The following RABGAP1L variants were observed in gnomAD, a reference collection of about 807,000 sequenced individuals.
RABGAP1L encodes the protein RAB GTPase activating protein 1 like.
In RABGAP1L, 63 loss-of-function variants were observed where a neutral mutation model predicts 137.7. That is an observed-to-expected ratio of 0.46 (90% confidence interval 0.37 to 0.56). The LOEUF is 0.56. RABGAP1L is among the 20% of genes least tolerant of loss of function. RABGAP1L has a pLI of 0.00. For missense variants in RABGAP1L, 1,095 were observed against 1,244.0 expected (o/e 0.88, Z 1.80); for synonymous variants, 431 against 433.7 (o/e 0.99, Z 0.08).
At chr1:174,466,054 C>T (rs1244410254) in intron 13 of RABGAP1L, among the ~76,000 whole-genome samples, 1 of 152,164 alleles carries the variant, frequency 6.6e-6, no homozygotes, top group Non-Finnish European at 1.5e-5. Context: ...AATGTGCTTC[C>T]CTTAGTGCAG....
At chr1:174,163,810 G>A (rs557235189) in intron 1 of RABGAP1L, among the ~76,000 whole-genome samples, 101 of 151,756 alleles carry the variant, frequency 6.7e-4, no homozygotes, top group Admixed American at 1.7e-3. Flanking sequence ...AGAATATGAA[G>A]CCTAACAACT....
chr1:174,706,075 A>G (rs1572868486), intron 17 of RABGAP1L, among the ~76,000 whole-genome samples: 1 of 152,176 alleles, frequency 6.6e-6, no homozygotes, highest in Non-Finnish European at 1.5e-5. Context: ...TGAAAAAGAA[A>G]GACACTGAGT....
At chr1:174,483,658 C>G (rs1025255728) in intron 13 of RABGAP1L, among the ~76,000 whole-genome samples, 2 of 152,036 alleles carry the variant, frequency 1.3e-5, no homozygotes, top group South Asian at 4.1e-4. Context: ...GAAACCTCGT[C>G]TCTACTAAAA....
At chr1:174,573,283 T>TTA (rs1245280150) in intron 13 of RABGAP1L, among the ~76,000 whole-genome samples, 1 of 151,738 alleles carries the variant, frequency 6.6e-6, no homozygotes, top group Non-Finnish European at 1.5e-5. Context: ...CTATATATGT[T>TTA]TATATGTATG....
At chr1:174,174,160 A>C (rs1665635328) in intron 1 of RABGAP1L, among the ~76,000 whole-genome samples, 1 of 151,682 alleles carries the variant, frequency 6.6e-6, no homozygotes, top group Admixed American at 6.6e-5. Context: ...CAGATTTCTG[A>C]CAACATGATA....
At position 174,448,352 on chromosome 1, in the gene RABGAP1L, C is replaced by A; in HGVS notation, c.1710+54207C>A. 6.2e-7 allele frequency: 1 copy of A among 1,613,968 alleles called. No homozygotes were observed. Among genetic ancestry groups the A allele is most frequent in the Non-Finnish European group, 8.5e-7 (1 of 1,179,828 alleles). ...TCATTATACTACCAGCTATTTCATT[C>A]AGACGATGGCATATGCTGATCTTTT... is the stretch of plus-strand genomic sequence containing the variant. On this transcript the variant is annotated intron_variant, in intron 13 of 25. Transcript: ENST00000681986. The surrounding 1 kb of genome is among the most constrained non-coding windows in gnomAD (Gnocchi z 4.2).
intron 13 of RABGAP1L, among the ~76,000 whole-genome samples, chr1:174,546,683 A>G (rs1388228609): frequency 6.6e-6 from 1 of 152,192 alleles, no homozygotes; most frequent in Non-Finnish European, 1.5e-5. Flanking sequence ...AAAATTGAGG[A>G]AAAGATTATT....
At chr1:174,925,396 CA>C (rs1035071720) in intron 19 of RABGAP1L, among the ~76,000 whole-genome samples, 4 of 114,856 alleles carry the variant, frequency 3.5e-5, no homozygotes, top group African/African-American at 1.3e-4. Flanking sequence ...AAAACAACAA[CA>C]AAAAAAACAG....
chr1:174,252,274 T>C (rs1672778307), intron 6 of RABGAP1L, among the ~76,000 whole-genome samples: 1 of 152,182 alleles, frequency 6.6e-6, no homozygotes, highest in South Asian at 2.1e-4. Flanking sequence ...AATTTAGAAA[T>C]TAATAATGAC....
intron 19 of RABGAP1L, among the ~76,000 whole-genome samples, chr1:174,920,340 T>C (rs1400453689): frequency 6.6e-6 from 1 of 152,172 alleles, no homozygotes; most frequent in Non-Finnish European, 1.5e-5. Flanking sequence ...AGAGAGCTGG[T>C]GCAGGGAAAC....
chr1:174,447,890 G>GCCCCC (rs11321562), intron 13 of RABGAP1L, among the ~76,000 whole-genome samples: 32 of 69,556 alleles, frequency 4.6e-4, no homozygotes, highest in Non-Finnish European at 6.2e-4. Flanking sequence ...ACCCCTTACC[G>GCCCCC]CCCCCCCCCC....
intron 17 of RABGAP1L, among the ~76,000 whole-genome samples, chr1:174,731,714 G>C (rs911338616): frequency 6.6e-6 from 1 of 152,142 alleles, no homozygotes; most frequent in Non-Finnish European, 1.5e-5. Flanking sequence ...AGTCCTAAAA[G>C]GCTAGATTCT....
At chr1:174,350,909 C>G (rs1412069554) in intron 11 of RABGAP1L, among the ~76,000 whole-genome samples, 6 of 110,860 alleles carry the variant, frequency 5.4e-5, no homozygotes, top group African/African-American at 1.8e-4. Flanking sequence ...GCCAACACAG[C>G]GAAACCCCGT....
intron 11 of RABGAP1L, among the ~76,000 whole-genome samples, chr1:174,334,503 A>G (rs1456783636): frequency 6.6e-6 from 1 of 152,226 alleles, no homozygotes; most frequent in East Asian, 1.9e-4. Context: ...AAAACCATAC[A>G]TAATCTTGCT....
chr1:174,299,830 T>C (rs77915633), intron 10 of RABGAP1L, among the ~76,000 whole-genome samples: 11,135 of 152,258 alleles, frequency 0.073, 604 homozygotes, highest in East Asian at 0.32. Flanking sequence ...ATTAAAATGT[T>C]ACAGTCTCCA....
chr1:174,245,642 T>TCA (rs1347767649), intron 5 of RABGAP1L: 1 of 135,950 alleles, frequency 7.4e-6, no homozygotes, highest in African/African-American at 2.9e-5. Context: ...GGTGAACTTT[T>TCA]TATTTTTTTT....
chr1:174,685,129 CAT>C (rs1678360363), intron 15 of RABGAP1L, among the ~76,000 whole-genome samples: 1 of 152,136 alleles, frequency 6.6e-6, no homozygotes. Context: ...TCAAAGGTGA[CAT>C]ATCTAGTTTC....
chr1:174,431,827 T>C (rs1347854630), intron 13 of RABGAP1L, among the ~76,000 whole-genome samples: 1 of 152,220 alleles, frequency 6.6e-6, no homozygotes, highest in Non-Finnish European at 1.5e-5. Context: ...TATTAAATTA[T>C]GTCAGAATTC....
chr1:174,444,423 C>A (rs761014877), intron 13 of RABGAP1L, among the ~76,000 whole-genome samples: 2 of 151,852 alleles, frequency 1.3e-5, no homozygotes, highest in Non-Finnish European at 2.9e-5. Context: ...GTGTCCATGT[C>A]TGCTTTTGGT....
Sources: gnomAD v4.1 joint callset for allele counts (sites outside exome capture counted in the v4.1 genomes callset) on GRCh38, gnomAD v4.1.1 for gene constraint, Gnocchi (gnomAD v3.1) non-coding constraint, MANE v1.5 for transcripts, NCBI Gene and HGNC (gene_info 2026-07-23, HGNC 2026-07-21) for gene names.